Variants in SFXN5 observed in about 807,000 individuals in gnomAD.
SFXN5 encodes the protein sideroflexin-5.
A neutral mutation model predicts 50.2 loss-of-function variants in SFXN5; 43 were observed. The observed-to-expected ratio is 0.86, with a 90% confidence interval of 0.67 to 1.11. The LOEUF is 1.11. Ranked by LOEUF, SFXN5 falls within the 50% of genes least tolerant of loss-of-function variation. SFXN5 has a pLI of 0.00. For synonymous variants in SFXN5, 203 were observed against 185.8 expected, an observed-to-expected ratio of 1.09 and a Z score of -0.75; for missense variants, 463 against 454.1, an observed-to-expected ratio of 1.02 and a Z score of -0.18.
intron 9 of SFXN5, among the ~76,000 whole-genome samples, chr2:72,989,036 G>T (rs1490829950): frequency 2.6e-5 from 4 of 152,164 alleles, no homozygotes. Flanking sequence ...CGAGAGCACA[G>T]GCTTTCTCAT....
At chr2:72,999,324 G>C (rs1673624520) in intron 8 of SFXN5, among the ~76,000 whole-genome samples, 2 of 152,126 alleles carry the variant, frequency 1.3e-5, no homozygotes, top group African/African-American at 4.8e-5. Flanking sequence ...ACCATTGAAG[G>C]CTGGGGCAAG....
intron 1 of SFXN5, among the ~76,000 whole-genome samples, chr2:73,060,597 T>G (rs963298938): frequency 6.6e-6 from 1 of 152,018 alleles, no homozygotes; most frequent in Non-Finnish European, 1.5e-5. Flanking sequence ...CTGAGACAAG[T>G]GACAAAAGTG....
chr2:72,947,086 C>T (rs1672030919), intron 13 of SFXN5, among the ~76,000 whole-genome samples: 1 of 152,228 alleles, frequency 6.6e-6, no homozygotes, highest in African/African-American at 2.4e-5. Context: ...CTTCCCTCCC[C>T]TACGCTGGGC....
rs765852931 is a variant in SFXN5 at position 72,961,123 on chromosome 2, C to T, written c.945+8G>A. The T allele has an allele frequency of 7.0e-6, 11 of 1,575,338 alleles. No homozygotes were observed. Among genetic ancestry groups the T allele is most frequent in the Non-Finnish European group, 9.5e-6 (11 of 1,161,364 alleles). ...CCCTGCCCTGCCCTTGAGCCCCTCCCCACTGACCTCTGACATTTGCGGGAA... is the reference window on the plus strand; with the variant it reads ...CCCTGCCCTGCCCTTGAGCCCCTCCTCACTGACCTCTGACATTTGCGGGAA... On this transcript the variant is annotated splice_region_variant and intron_variant, in intron 13 of 13. Coordinates refer to ENST00000272433, the MANE Select transcript of SFXN5 (RefSeq NM_144579.3). This position sits in a 1 kb window ranked among gnomAD's most constrained non-coding sequence, Gnocchi z 4.4.
intron 3 of SFXN5, among the ~76,000 whole-genome samples, chr2:73,026,063 A>G (rs1442901404): frequency 6.6e-6 from 1 of 152,034 alleles, no homozygotes; most frequent in Non-Finnish European, 1.5e-5. Flanking sequence ...GGATTCGTGG[A>G]CAGGCCATCA....
At position 72,992,969 on chromosome 2, in the gene SFXN5, C is replaced by A. The variant is rs1055336094; in HGVS notation, c.535-4621G>T. On this transcript the variant is annotated intron_variant, in intron 9 of 13. Coordinates refer to ENST00000272433, the MANE Select transcript of SFXN5 (RefSeq NM_144579.3). The surrounding 1 kb of genome is among the most constrained non-coding windows in gnomAD (Gnocchi z 4.5). ...AGGCTCCTGAGGAAGGGGATGCCTG[C>A]CTGAGCCCTGAATAGGAGGCTAGGA... is the stretch of plus-strand genomic sequence containing the variant. 3.3e-5 allele frequency among the ~76,000 whole-genome samples: 5 copies of A among 152,146 alleles called. No individual in the cohort carries two copies. The highest frequency in any genetic ancestry group is 1.2e-4 in the African/African-American group (5 of 41,434).
At chr2:73,017,208 CA>C (rs954976025) in intron 6 of SFXN5, among the ~76,000 whole-genome samples, 9 of 151,526 alleles carry the variant, frequency 5.9e-5, no homozygotes, top group Non-Finnish European at 8.8e-5. Context: ...TTTATTCTTA[CA>C]AAAAAAATAA....
At chr2:73,041,694 G>T in intron 2 of SFXN5, 1 of 370,816 alleles carries the variant, frequency 2.7e-6, no homozygotes, top group South Asian at 2.0e-5. Context: ...GCCTTTATAA[G>T]GAGGATTTTT....
Position 72,960,803 on chromosome 2 carries a change from T to C in SFXN5, c.945+328A>G, listed in dbSNP as rs1477047157. On this transcript the variant is annotated intron_variant, in intron 13 of 13. Transcript: ENST00000272433. This position sits in a 1 kb window ranked among gnomAD's most constrained non-coding sequence, Gnocchi z 6.1. The stretch of plus-strand genomic sequence containing the variant: ...CCTCACATCTCCCCCCGCCACCCCT[T>C]TTCATCTGGCCAACTCCAGCCACGC... 1.3e-5 allele frequency among the ~76,000 whole-genome samples: 2 copies of C among 152,122 alleles called. No individual in the cohort carries two copies. Among genetic ancestry groups the C allele is most frequent in the Admixed American group, 1.3e-4 (2 of 15,278 alleles).
chr2:73,047,913 T>C (rs536505967), intron 2 of SFXN5, among the ~76,000 whole-genome samples: 4 of 152,312 alleles, frequency 2.6e-5, no homozygotes, highest in East Asian at 1.9e-4. Context: ...AGGATATTTA[T>C]TGCAATATTA....
chr2:73,052,701 C>A (rs1681536398), intron 2 of SFXN5, among the ~76,000 whole-genome samples: 1 of 152,176 alleles, frequency 6.6e-6, no homozygotes, highest in South Asian at 2.1e-4. Context: ...ATCTTCGGTC[C>A]ATAATTAAGA....
chr2:72,965,959 G>A (rs1674347524), intron 12 of SFXN5, among the ~76,000 whole-genome samples: 1 of 152,188 alleles, frequency 6.6e-6, no homozygotes, highest in South Asian at 2.1e-4. Context: ...TTGAGATAAG[G>A]AGGGCCTGTC....
intron 6 of SFXN5, among the ~76,000 whole-genome samples, chr2:73,005,925 G>T (rs1674577851): frequency 6.6e-6 from 1 of 151,936 alleles, no homozygotes; most frequent in Non-Finnish European, 1.5e-5. Flanking sequence ...GCAGGGGGTG[G>T]GGGTGGGAGA....
chr2:73,023,839 G>A (rs1045181729), intron 3 of SFXN5, among the ~76,000 whole-genome samples: 1 of 152,152 alleles, frequency 6.6e-6, no homozygotes, highest in African/African-American at 2.4e-5. Context: ...AAGGCTGTAG[G>A]GAGAAAAAGT....
intron 10 of SFXN5, among the ~76,000 whole-genome samples, chr2:72,978,706 G>A (rs945680725): frequency 1.3e-5 from 2 of 152,180 alleles, no homozygotes; most frequent in Admixed American, 6.5e-5. Flanking sequence ...ATTTAATAAA[G>A]CTAGAAACGT....
At chr2:73,028,155 C>T (rs1226242842) in intron 3 of SFXN5, among the ~76,000 whole-genome samples, 2 of 152,176 alleles carry the variant, frequency 1.3e-5, no homozygotes, top group African/African-American at 2.4e-5. Context: ...TGTGTAAGTG[C>T]ACTCTATGAT....
chr2:72,990,731 G>C (rs938785689), intron 9 of SFXN5, among the ~76,000 whole-genome samples: 1 of 152,190 alleles, frequency 6.6e-6, no homozygotes, highest in African/African-American at 2.4e-5. Flanking sequence ...TTTGAACGCA[G>C]GGCCTGCTAA....
In SFXN5 at chr2:72,945,228, A is replaced by G; in HGVS notation, c.946-129T>C. 2.5e-6 allele frequency: 2 copies of G among 796,828 alleles called. No individual in the cohort carries two copies. The allele number at this position is 796,828 out of a possible 1,614,324, so 49.4% of individuals were successfully genotyped here. On this transcript the variant is annotated intron_variant, in intron 13 of 13. Coordinates refer to ENST00000272433, the MANE Select transcript of SFXN5 (RefSeq NM_144579.3). The surrounding 1 kb of genome is among the most constrained non-coding windows in gnomAD (Gnocchi z 5.8). ...CTGCACCCCCGTGTCCACCCCAGCC[A>G]GGGCTCACATGCCCTACCTAGTGAC...
chr2:72,948,750 C>T (rs937948085), intron 13 of SFXN5, among the ~76,000 whole-genome samples: 1 of 152,190 alleles, frequency 6.6e-6, no homozygotes, highest in African/African-American at 2.4e-5. Context: ...AGTGGGAAGG[C>T]TCCTGGGGGA....
Sources: allele counts gnomAD v4.1 joint callset (sites outside exome capture counted in the v4.1 genomes callset), GRCh38; gene constraint gnomAD v4.1.1; non-coding constraint Gnocchi (gnomAD v3.1); transcripts MANE v1.5; gene names NCBI Gene and HGNC (gene_info 2026-07-23, HGNC 2026-07-21).